Variants in PCDH15 observed in about 807,000 individuals in gnomAD.
PCDH15 encodes the protein protocadherin-15.
In PCDH15, 129 loss-of-function variants were observed where a neutral mutation model predicts 178.5. The observed-to-expected ratio is 0.72, with a 90% CI of 0.63 to 0.84. The LOEUF is 0.84. Ranked by LOEUF, PCDH15 falls within the 40% of genes least tolerant of loss-of-function variation. The probability of loss-of-function intolerance (pLI) is 0.00; values close to 1 mark genes in which losing one functional copy is unlikely to be tolerated. For missense variants in PCDH15, 2,230 were observed against 2,099.9 expected (o/e 1.06, Z -1.21); for synonymous variants, 800 against 732.0 (o/e 1.09, Z -1.50).
At chr10:55,124,040 T>C (rs1056459427) in intron 2 of PCDH15, among the ~76,000 whole-genome samples, 1 of 152,078 alleles carries the variant, frequency 6.6e-6, no homozygotes, top group Non-Finnish European at 1.5e-5. Context: ...CCTAGGTAAA[T>C]TGGGCTGCAA....
At chr10:54,121,492 T>A (rs887953104) in intron 15 of PCDH15, among the ~76,000 whole-genome samples, 3 of 152,034 alleles carry the variant, frequency 2.0e-5, no homozygotes, top group African/African-American at 7.2e-5. Context: ...AAAGGATAAA[T>A]GAAACCATAG....
intron 2 of PCDH15, among the ~76,000 whole-genome samples, chr10:55,621,822 A>C (rs1462479679): frequency 2.5e-4 from 38 of 151,340 alleles, no homozygotes; most frequent in Admixed American, 6.6e-4. Flanking sequence ...AAAAAAGTTC[A>C]ATAAATATAG....
intron 25 of PCDH15, among the ~76,000 whole-genome samples, chr10:53,921,869 T>C (rs552027460): frequency 1.3e-5 from 2 of 152,308 alleles, no homozygotes; most frequent in East Asian, 3.9e-4. Flanking sequence ...ATTTAGTTCA[T>C]AGCAGAGAAT....
intron 3 of PCDH15, among the ~76,000 whole-genome samples, chr10:54,492,453 G>A (rs529376702): frequency 1.3e-5 from 2 of 152,244 alleles, no homozygotes; most frequent in African/African-American, 2.4e-5. Context: ...TTGGCTGTCC[G>A]TAATTTATTA....
rs4519000 is a variant in PCDH15, at chr10:53,840,088, G to A, written c.3983+232C>T. ...TGTTCCTTGTTCTTAAGTACAAAAG[G>A]TCATCTGATGCCCATAAAGAAAATG... is the stretch of plus-strand genomic sequence containing the variant. On this transcript the variant is annotated intron_variant, in intron 29 of 37. Transcript: ENST00000644397. Among the ~76,000 whole-genome samples, 37,842 of 152,042 alleles carry A rather than the reference G, an allele frequency of 0.25. 5,957 individuals are homozygous for A. Among genetic ancestry groups the A allele is most frequent in the East Asian group, 0.75 (3,860 of 5,164 alleles).
intron 1 of PCDH15, among the ~76,000 whole-genome samples, chr10:55,203,327 A>G (rs1233929863): frequency 6.6e-6 from 1 of 152,100 alleles, no homozygotes; most frequent in African/African-American, 2.4e-5. Context: ...TATTATTATA[A>G]CAATATTATG....
At chr10:55,092,547 G>T (rs1340994797) in intron 2 of PCDH15, among the ~76,000 whole-genome samples, 3 of 151,724 alleles carry the variant, frequency 2.0e-5, no homozygotes, top group Admixed American at 6.6e-5. Context: ...TTAATATTTA[G>T]AAGGTAGTTA....
intron 2 of PCDH15, among the ~76,000 whole-genome samples, chr10:55,594,177 A>G (rs1389193281): frequency 6.6e-6 from 1 of 151,902 alleles, no homozygotes; most frequent in Non-Finnish European, 1.5e-5. Context: ...TCCAGTGTAC[A>G]GGTAGTTTTA....
At chr10:55,037,234 ATT>A (rs941412810) in intron 2 of PCDH15, among the ~76,000 whole-genome samples, 1 of 148,182 alleles carries the variant, frequency 6.7e-6, no homozygotes, top group Admixed American at 6.7e-5. Flanking sequence ...TGACATCTTA[ATT>A]TTTTTTTTTT....
chr10:53,824,240 A>T (rs2132528818), intron 32 of PCDH15, among the ~76,000 whole-genome samples: 2 of 152,228 alleles, frequency 1.3e-5, no homozygotes, highest in African/African-American at 4.8e-5. Flanking sequence ...AGTTGCATAC[A>T]TCAAAGATCA....
chr10:54,409,657 T>C (rs932500654), intron 3 of PCDH15, among the ~76,000 whole-genome samples: 1 of 152,174 alleles, frequency 6.6e-6, no homozygotes, highest in Non-Finnish European at 1.5e-5. Flanking sequence ...TCTTCTCATC[T>C]GTTATGACTT....
rs2094196794 is a variant in PCDH15 at position 54,649,047 on chromosome 10, A to C, written c.91+15125T>G. Among the ~76,000 whole-genome samples, 3 of 152,200 alleles carry C rather than the reference A, an allele frequency of 2.0e-5. No individual in the cohort carries two copies. In the South Asian group the frequency reaches 6.2e-4, roughly 31 times the overall value. ...GTCTTCACTGAGCATTTAGCGGGGC[A>C]GCCCTTAGGGGCAGTATAGGATCTT... On this transcript the variant is annotated intron_variant, in intron 2 of 37. Transcript: ENST00000644397.
chr10:54,994,600 T>C (rs565876119), intron 2 of PCDH15, among the ~76,000 whole-genome samples: 1 of 152,304 alleles, frequency 6.6e-6, no homozygotes, highest in African/African-American at 2.4e-5. Flanking sequence ...ATTTTGGTTA[T>C]AACTATTATT....
intron 2 of PCDH15, among the ~76,000 whole-genome samples, chr10:54,579,455 C>G (rs2090829401): frequency 6.6e-6 from 1 of 152,102 alleles, no homozygotes; most frequent in African/African-American, 2.4e-5. Flanking sequence ...CTTAAATATG[C>G]ACACACTCAA....
chr10:55,328,786 A>T (rs1844104598), intron 2 of PCDH15, among the ~76,000 whole-genome samples: 1 of 150,884 alleles, frequency 6.6e-6, no homozygotes, highest in South Asian at 2.1e-4. Flanking sequence ...GATTATTTAA[A>T]GCATATAGGG....
chr10:55,091,198 C>T (rs903633399), intron 2 of PCDH15, among the ~76,000 whole-genome samples: 3 of 151,590 alleles, frequency 2.0e-5, no homozygotes, highest in African/African-American at 7.3e-5. Context: ...GTTAATGATC[C>T]TAGTTGTATG....
At chr10:55,390,292 T>G (rs1837761221) in intron 2 of PCDH15, among the ~76,000 whole-genome samples, 1 of 152,186 alleles carries the variant, frequency 6.6e-6, no homozygotes, top group African/African-American at 2.4e-5. Flanking sequence ...TGAATCCTAA[T>G]CTTTTTTGCT....
At chr10:55,438,485 GTAATA>G (rs1188832534) in intron 2 of PCDH15, among the ~76,000 whole-genome samples, 5 of 152,106 alleles carry the variant, frequency 3.3e-5, no homozygotes, top group African/African-American at 1.2e-4. Flanking sequence ...AATGGCTAAA[GTAATA>G]TATTTATACT....
intron 8 of PCDH15, among the ~76,000 whole-genome samples, chr10:54,297,625 G>A (rs1008348795): frequency 2.6e-4 from 40 of 152,080 alleles, no homozygotes; most frequent in African/African-American, 9.4e-4. Context: ...AATAAGAAAA[G>A]AAATATCCAA....
Sources: allele counts gnomAD v4.1 joint callset (sites outside exome capture counted in the v4.1 genomes callset), GRCh38; gene constraint gnomAD v4.1.1; transcripts MANE v1.5; gene names NCBI Gene and HGNC (gene_info 2026-07-23, HGNC 2026-07-21).